PTPRM: variants seen among roughly 807,000 people sequenced by gnomAD.
PTPRM encodes receptor-type tyrosine-protein phosphatase mu.
Under a neutral mutation model 186.7 loss-of-function variants are expected in PTPRM, and 47 were observed. The ratio of observed to expected loss-of-function variants is 0.25; its 90% CI spans 0.20 to 0.32. The LOEUF (loss-of-function observed/expected upper bound fraction) is 0.32. Ranked by LOEUF, PTPRM falls within the 10% of genes least tolerant of loss-of-function variation. PTPRM has a pLI of 1.00. For missense variants in PTPRM, 1,494 were observed against 1,865.0 expected, an observed-to-expected ratio of 0.80 and a Z score of 3.66; for synonymous variants, 668 against 674.9, an observed-to-expected ratio of 0.99 and a Z score of 0.16.
At chr18:8,260,201 T>C (rs533178650) in intron 19 of PTPRM, among the ~76,000 whole-genome samples, 1 of 151,644 alleles carries the variant, frequency 6.6e-6, no homozygotes. Context: ...AGACACTCTG[T>C]TGCCCAGGCT....
intron 1 of PTPRM, among the ~76,000 whole-genome samples, chr18:7,738,840 T>G (rs1251542287): frequency 6.6e-6 from 1 of 152,132 alleles, no homozygotes; most frequent in East Asian, 1.9e-4. Flanking sequence ...CGGCTGCAGG[T>G]GTTGCAGTTT....
At chr18:7,603,270 T>C (rs1173894032) in intron 1 of PTPRM, among the ~76,000 whole-genome samples, 5 of 152,190 alleles carry the variant, frequency 3.3e-5, no homozygotes, top group Admixed American at 2.6e-4. Context: ...TCAGTTAACT[T>C]TATGGTAAAT....
intron 14 of PTPRM, among the ~76,000 whole-genome samples, chr18:8,168,563 A>C (rs2093355118): frequency 6.6e-6 from 1 of 152,224 alleles, no homozygotes; most frequent in African/African-American, 2.4e-5. Flanking sequence ...TGAGAAAAAT[A>C]AGTTAGTTCC....
At chr18:7,621,566 A>G (rs1341779635) in intron 1 of PTPRM, among the ~76,000 whole-genome samples, 1 of 152,220 alleles carries the variant, frequency 6.6e-6, no homozygotes, top group Non-Finnish European at 1.5e-5. Context: ...ATCTGCCATT[A>G]TAGTATCCTA....
chr18:7,614,026 A>G (rs2037743440), intron 1 of PTPRM, among the ~76,000 whole-genome samples: 1 of 152,198 alleles, frequency 6.6e-6, no homozygotes, highest in African/African-American at 2.4e-5. Context: ...GATTTGACTC[A>G]TTTAACAATG....
intron 2 of PTPRM, among the ~76,000 whole-genome samples, chr18:7,798,393 G>A (rs910541080): frequency 2.6e-5 from 4 of 152,036 alleles, no homozygotes; most frequent in African/African-American, 4.8e-5. Flanking sequence ...GCTGGGCGTG[G>A]TGGCAGGCGC....
intron 2 of PTPRM, among the ~76,000 whole-genome samples, chr18:7,786,682 A>G (rs2043111107): frequency 6.6e-6 from 1 of 152,220 alleles, no homozygotes; most frequent in Non-Finnish European, 1.5e-5. Flanking sequence ...ATCCTATTAC[A>G]CACCTTGTGA....
Position 7,701,750 on chromosome 18 carries a change from G to A in PTPRM, c.74-72399G>A, listed in dbSNP as rs576063672. ...ATACTTTAAGTTCTAGGGTACATGT[G>A]CAGAACATGCAGGTTTGTTACATAG... On this transcript the variant is annotated intron_variant, in intron 1 of 32. Coordinates refer to ENST00000580170, the MANE Select transcript of PTPRM (RefSeq NM_001105244.2). Among the ~76,000 whole-genome samples, 3 of 152,160 alleles carry A rather than the reference G, an allele frequency of 2.0e-5. No individual in the cohort carries two copies. In the East Asian group the frequency reaches 5.8e-4, roughly 29 times the overall value.
intron 1 of PTPRM, among the ~76,000 whole-genome samples, chr18:7,574,031 C>G (rs1476427975): frequency 6.6e-6 from 1 of 152,208 alleles, no homozygotes; most frequent in Non-Finnish European, 1.5e-5. Flanking sequence ...AACAAGCCCC[C>G]CATGGGATTC....
intron 2 of PTPRM, among the ~76,000 whole-genome samples, chr18:7,882,517 A>T (rs1288061949): frequency 6.6e-6 from 1 of 152,188 alleles, no homozygotes; most frequent in East Asian, 1.9e-4. Flanking sequence ...AAATCCACAA[A>T]TTTAAAGGCA....
At position 8,236,875 on chromosome 18, in the gene PTPRM, A is replaced by G. The variant is rs191269222; in HGVS notation, c.2301-7183A>G. On this transcript the variant is annotated intron_variant, in intron 14 of 32. Transcript: ENST00000580170. ...GTATATTTAGACTACTGACATTTACATGATTATTGATAACATTGGATATCT... is the reference window on the plus strand; with the variant it reads ...GTATATTTAGACTACTGACATTTACGTGATTATTGATAACATTGGATATCT... Among the ~76,000 whole-genome samples, 256 of 152,250 alleles carry G rather than the reference A, an allele frequency of 1.7e-3. 1 individual carries two copies. The highest frequency in any genetic ancestry group is 5.8e-3 in the African/African-American group (240 of 41,544).
intron 5 of PTPRM, among the ~76,000 whole-genome samples, 153 bp downstream of exon 5, chr18:7,926,836 C>T (rs1427348948): frequency 6.6e-6 from 1 of 152,050 alleles, no homozygotes; most frequent in Non-Finnish European, 1.5e-5. Flanking sequence ...TCTATAAAAG[C>T]TAATTATTTT....
chr18:7,935,771 TG>T (rs1343721521), intron 5 of PTPRM, among the ~76,000 whole-genome samples: 4 of 152,176 alleles, frequency 2.6e-5, no homozygotes, highest in Admixed American at 6.5e-5. Context: ...GTCACCCAGG[TG>T]GCGAACATAA....
intron 7 of PTPRM, among the ~76,000 whole-genome samples, chr18:8,047,341 A>G (rs768635447): frequency 1.3e-5 from 2 of 152,200 alleles, no homozygotes; most frequent in Non-Finnish European, 2.9e-5. Context: ...AAAATGAAAG[A>G]TATGCACATC....
chr18:8,360,666 A>G (rs114078966), intron 23 of PTPRM, among the ~76,000 whole-genome samples: 3,359 of 152,292 alleles, frequency 0.022, 72 homozygotes, highest in African/African-American at 0.06. Context: ...GACGCACTGC[A>G]GGAGACCAGG....
Position 8,069,687 on chromosome 18 carries a change from T to A in PTPRM, c.1134T>A (p.Asp378Glu). Reference protein sequence around the residue: ...PALRTRTKCADPMRGPRKLEV... With the variant: ...PALRTRTKCAEPMRGPRKLEV... Reference sequence around the variant, plus strand: ...TCTTTTGTCTTCTTTTCTAAATAGATCCCATGCGAGGCCCAAGAAAACTAG... The same window carrying A: ...TCTTTTGTCTTCTTTTCTAAATAGAACCCATGCGAGGCCCAAGAAAACTAG... The change falls in exon 8 of 33, where the codon GAT becomes GAA. Residue 378 changes from aspartate to glutamate, a missense_variant and splice_region_variant. Physicochemically the swap from Asp to Glu is conservative, Grantham distance 45. Transcript: ENST00000580170. 1.2e-6 allele frequency: 2 copies of A among 1,609,004 alleles called. No individual in the cohort carries two copies. The highest frequency in any genetic ancestry group is 1.7e-6 in the Non-Finnish European group (2 of 1,175,906).
intron 1 of PTPRM, among the ~76,000 whole-genome samples, chr18:7,699,350 A>G (rs1180826981): frequency 1.3e-5 from 2 of 152,178 alleles, no homozygotes; most frequent in African/African-American, 4.8e-5. Flanking sequence ...TCTACTTGCT[A>G]GGTTGCATTT....
chr18:8,240,459 GA>G (rs1361106784), intron 14 of PTPRM, among the ~76,000 whole-genome samples: 8 of 72,176 alleles, frequency 1.1e-4, no homozygotes, highest in Admixed American at 2.8e-4. Context: ...GAGAGAGAGA[GA>G]GAGAGGGAGG....
intron 7 of PTPRM, among the ~76,000 whole-genome samples, chr18:8,017,286 C>T (rs2147926511): frequency 6.6e-6 from 1 of 152,182 alleles, no homozygotes; most frequent in Middle Eastern, 3.4e-3. Context: ...TGCCTGTAGT[C>T]CCAGCACTTT....
Sources: allele counts gnomAD v4.1 joint callset (sites outside exome capture counted in the v4.1 genomes callset), GRCh38; gene constraint gnomAD v4.1.1; transcripts MANE v1.5; gene names NCBI Gene and HGNC (gene_info 2026-07-23, HGNC 2026-07-21).